Variants in THSD4 observed in about 807,000 individuals in gnomAD.
The protein encoded by THSD4 is thrombospondin type 1 domain containing 4, also known as thrombospondin type-1 domain-containing protein 4.
In THSD4, 69 loss-of-function variants were observed where a neutral mutation model predicts 119.0. That is an observed-to-expected ratio of 0.58 (90% confidence interval 0.48 to 0.71). The LOEUF (loss-of-function observed/expected upper bound fraction) is 0.71, where lower values mean the gene tolerates loss of function less well. Ranked by LOEUF, THSD4 falls within the 30% of genes least tolerant of loss-of-function variation. The pLI, the probability that THSD4 is intolerant of heterozygous loss-of-function variation, is 0.00. For missense variants in THSD4, 1,393 were observed against 1,391.1 expected, an observed-to-expected ratio of 1.00 and a Z score of -0.02; for synonymous variants, 524 against 540.4, an observed-to-expected ratio of 0.97 and a Z score of 0.42.
intron 6 of THSD4, among the ~76,000 whole-genome samples, chr15:71,333,466 T>C (rs1174550744): frequency 6.6e-6 from 1 of 152,202 alleles, no homozygotes; most frequent in East Asian, 1.9e-4. Context: ...TTTAGCTTTC[T>C]CACCCTCAAC....
At chr15:71,300,979 T>G (rs1341531143) in intron 6 of THSD4, among the ~76,000 whole-genome samples, 5 of 152,222 alleles carry the variant, frequency 3.3e-5, no homozygotes, top group Non-Finnish European at 7.3e-5. Context: ...CACAAGAATT[T>G]GCTAAAGTAG....
intron 8 of THSD4, among the ~76,000 whole-genome samples, chr15:71,713,348 A>G (rs1204645298): frequency 2.0e-5 from 3 of 152,150 alleles, no homozygotes. Flanking sequence ...ATGAGCTCCT[A>G]GTATCCTCTG....
chr15:71,297,820 T>C (rs2044887316), intron 6 of THSD4, among the ~76,000 whole-genome samples: 1 of 152,126 alleles, frequency 6.6e-6, no homozygotes, highest in Non-Finnish European at 1.5e-5. Context: ...TGTTGTTCAG[T>C]TTTGAGAGTT....
intron 1 of THSD4, among the ~76,000 whole-genome samples, chr15:71,131,827 G>GCCTT (rs1410918850): frequency 1.3e-5 from 2 of 152,150 alleles, no homozygotes; most frequent in Non-Finnish European, 2.9e-5. Context: ...AGTCCTCTAT[G>GCCTT]CCTTCTCTTT....
chr15:71,512,248 C>T (rs62015884), intron 7 of THSD4, among the ~76,000 whole-genome samples: 26,870 of 152,110 alleles, frequency 0.18, 2,460 homozygotes, highest in African/African-American at 0.2. Flanking sequence ...CTGTGAAATA[C>T]GAAACCTCCA....
At chr15:71,658,550 G>A (rs1194830661) in intron 7 of THSD4, among the ~76,000 whole-genome samples, 1 of 152,168 alleles carries the variant, frequency 6.6e-6, no homozygotes, top group East Asian at 1.9e-4. Context: ...ATCTTGCCTT[G>A]ATAACATGGG....
At chr15:71,345,871 CT>C (rs1008307911) in intron 6 of THSD4, among the ~76,000 whole-genome samples, 3 of 151,150 alleles carry the variant, frequency 2.0e-5, no homozygotes, top group Admixed American at 2.0e-4. Context: ...ACGAAGAGTT[CT>C]TTTGTTTTCG....
At chr15:71,731,262 G>T (rs1338021092) in intron 10 of THSD4, 45 bp downstream of exon 10, 1 of 1,568,316 alleles carries the variant, frequency 6.4e-7, no homozygotes, top group Admixed American at 1.7e-5. Flanking sequence ...TCATTTCCTT[G>T]TAAAGCCTTC....
At chr15:71,208,770 C>T (rs2043866112) in intron 3 of THSD4, among the ~76,000 whole-genome samples, 1 of 151,982 alleles carries the variant, frequency 6.6e-6, no homozygotes, top group Admixed American at 6.6e-5. Flanking sequence ...CCTCAGCCTC[C>T]CAAAGTACTG....
chr15:71,776,317 C>T (rs931319211), intron 17 of THSD4, among the ~76,000 whole-genome samples: 11 of 152,130 alleles, frequency 7.2e-5, no homozygotes, highest in Non-Finnish European at 1.6e-4. Context: ...ATTTGCAGCA[C>T]ATATAACCTA....
chr15:71,564,663 TAG>T (rs2049190386), intron 7 of THSD4, among the ~76,000 whole-genome samples: 1 of 24,516 alleles, frequency 4.1e-5, no homozygotes, highest in Non-Finnish European at 1.0e-4. Context: ...ATACAATATA[TAG>T]TATATTATAA....
chr15:71,408,869 G>C (rs1421791382), intron 6 of THSD4, among the ~76,000 whole-genome samples: 1 of 152,052 alleles, frequency 6.6e-6, no homozygotes, highest in African/African-American at 2.4e-5. Context: ...CACAAGGGTT[G>C]GGGGCAGTGG....
At chr15:71,202,692 A>T (rs941799998) in intron 3 of THSD4, among the ~76,000 whole-genome samples, 3 of 152,200 alleles carry the variant, frequency 2.0e-5, no homozygotes. Flanking sequence ...GAGGAATCTG[A>T]TAACCTGGGA....
chr15:71,115,445 G>C (rs1361487112), upstream of THSD4: 2 of 152,166 alleles, frequency 1.3e-5, no homozygotes, highest in Non-Finnish European at 2.9e-5. This position sits in a 1 kb window ranked among gnomAD's most constrained non-coding sequence, Gnocchi z 4.4. Flanking sequence ...GAAGGACCGA[G>C]GGAGCGCGGA....
intron 6 of THSD4, among the ~76,000 whole-genome samples, chr15:71,296,433 G>C (rs2044864149): frequency 6.6e-6 from 1 of 152,174 alleles, no homozygotes; most frequent in Non-Finnish European, 1.5e-5. Context: ...GGCCCACTAA[G>C]ACCGGATGAC....
Position 71,141,412 on chromosome 15 carries a change from T to C in THSD4, c.-79-37T>C, listed in dbSNP as rs575362565. On this transcript the variant is annotated intron_variant, in intron 1 of 17. Transcript: ENST00000261862. ...GTTACGCTTCTAGAATCTTCCTAAG[T>C]AAATGTTGCTAAAAATAACATTGTT... 1.1e-4 allele frequency: 122 copies of C among 1,121,216 alleles called. No homozygotes were observed. In the African/African-American group the frequency reaches 1.9e-3, roughly 17 times the overall value. 69.5% of individuals were successfully genotyped at this position (1,121,216 alleles called of 1,614,324 possible).
intron 7 of THSD4, among the ~76,000 whole-genome samples, chr15:71,484,238 C>G (rs996506970): frequency 3.9e-5 from 6 of 152,160 alleles, no homozygotes; most frequent in African/African-American, 1.4e-4. Context: ...TTTACTGACT[C>G]CACCAGCATA....
intron 1 of THSD4, among the ~76,000 whole-genome samples, chr15:71,118,396 A>G (rs527853758): frequency 2.0e-4 from 31 of 152,158 alleles, no homozygotes; most frequent in Admixed American, 1.9e-3. Context: ...TTTGCCAGGC[A>G]GTGTATCCCA....
intron 1 of THSD4, among the ~76,000 whole-genome samples, chr15:71,123,852 C>T (rs919523908): frequency 7.9e-5 from 12 of 152,222 alleles, no homozygotes; most frequent in African/African-American, 2.2e-4. Flanking sequence ...TCAGACTTTT[C>T]CCCCTACAGA....
Sources: gnomAD v4.1 joint callset for allele counts (sites outside exome capture counted in the v4.1 genomes callset) on GRCh38, gnomAD v4.1.1 for gene constraint, Gnocchi (gnomAD v3.1) non-coding constraint, MANE v1.5 for transcripts, NCBI Gene and HGNC (gene_info 2026-07-23, HGNC 2026-07-21) for gene names.